The following DRC8 variants were observed in gnomAD, a reference collection of about 807,000 sequenced individuals.
DRC8 encodes dynein regulatory complex subunit 8.
chr1:245,016,042 C>T, the DRC8 span, among the ~76,000 whole-genome samples: 49 of 129,428 alleles, frequency 3.8e-4, no homozygotes, highest in Admixed American at 6.7e-4. Context: ...GGTGCAATGG[C>T]GCAATCTCGG....
chr1:245,054,758 A>G, the DRC8 span, among the ~76,000 whole-genome samples: 8 of 152,120 alleles, frequency 5.3e-5, no homozygotes, highest in African/African-American at 7.2e-5. Flanking sequence ...CTCCAGCCAG[A>G]TCCTTCTCCT....
the DRC8 span, among the ~76,000 whole-genome samples, chr1:245,079,828 G>T: frequency 6.6e-6 from 1 of 152,188 alleles, no homozygotes; most frequent in East Asian, 1.9e-4. Flanking sequence ...AACCTCGTAG[G>T]ATTGCCATTG....
chr1:245,059,757 C>T, the DRC8 span, among the ~76,000 whole-genome samples: 1 of 152,004 alleles, frequency 6.6e-6, no homozygotes, highest in Non-Finnish European at 1.5e-5. Flanking sequence ...AGGGGCTGAC[C>T]GTATGCAGAA....
At chr1:245,024,609 A>G in the DRC8 span, among the ~76,000 whole-genome samples, 1 of 146,858 alleles carries the variant, frequency 6.8e-6, no homozygotes, top group Non-Finnish European at 1.5e-5. Flanking sequence ...GTGCAGTGGC[A>G]CGATCTCAGC....
At chr1:245,096,766 C>T in the DRC8 span, among the ~76,000 whole-genome samples, 2 of 152,216 alleles carry the variant, frequency 1.3e-5, no homozygotes, top group African/African-American at 2.4e-5. Context: ...AATGAGATGG[C>T]TTGAGGCTAA....
At chr1:244,995,338 G>A in the DRC8 span, among the ~76,000 whole-genome samples, 2 of 151,470 alleles carry the variant, frequency 1.3e-5, no homozygotes, top group African/African-American at 4.9e-5. Flanking sequence ...TCCAGCCTGA[G>A]TGACAAGAGC....
chr1:245,072,598 G>A, the DRC8 span, among the ~76,000 whole-genome samples: 1 of 152,140 alleles, frequency 6.6e-6, no homozygotes, highest in Non-Finnish European at 1.5e-5. Context: ...AAGACTTGTT[G>A]TTATGCATTT....
chr1:244,976,307 C>T, the DRC8 span, among the ~76,000 whole-genome samples: 1 of 151,906 alleles, frequency 6.6e-6, no homozygotes, highest in African/African-American at 2.4e-5. Context: ...GTTAAGAAAA[C>T]TTTTAAGTCT....
chr1:245,101,044 C>T, the DRC8 span, among the ~76,000 whole-genome samples: 3 of 152,160 alleles, frequency 2.0e-5, no homozygotes, highest in South Asian at 4.2e-4. Context: ...ACCACCACGC[C>T]CGACTAACTT....
chr1:244,983,013 T>C, the DRC8 span, among the ~76,000 whole-genome samples: 1 of 151,978 alleles, frequency 6.6e-6, no homozygotes, highest in African/African-American at 2.4e-5. Context: ...GAGGTTGCAA[T>C]GAGCTGATAT....
the DRC8 span, among the ~76,000 whole-genome samples, chr1:245,039,486 A>AG: frequency 8.9e-6 from 1 of 111,954 alleles, no homozygotes; most frequent in Non-Finnish European, 2.0e-5. Context: ...AAAAAAAAAA[A>AG]AAAGAGTTTG....
the DRC8 span, among the ~76,000 whole-genome samples, chr1:245,018,698 G>C: frequency 3.9e-5 from 6 of 152,142 alleles, no homozygotes; most frequent in Non-Finnish European, 7.4e-5. Flanking sequence ...GGAAAGTATG[G>C]CATTATGAGA....
At chr1:244,989,387 C>T in the DRC8 span, among the ~76,000 whole-genome samples, 1 of 152,166 alleles carries the variant, frequency 6.6e-6, no homozygotes, top group Non-Finnish European at 1.5e-5. Flanking sequence ...GATCGTTTCT[C>T]AGGTTTTCCT....
At chr1:245,035,419 A>T in the DRC8 span, among the ~76,000 whole-genome samples, 1 of 152,194 alleles carries the variant, frequency 6.6e-6, no homozygotes, top group African/African-American at 2.4e-5. Flanking sequence ...AAACCCTTAC[A>T]CTTATGGTCA....
At chr1:245,114,613 A>G in the DRC8 span, among the ~76,000 whole-genome samples, 12 of 152,200 alleles carry the variant, frequency 7.9e-5, no homozygotes, top group Non-Finnish European at 1.2e-4. Flanking sequence ...TTCAAGAGGA[A>G]ATTCACCGAT....
At chr1:244,990,742 C>T in the DRC8 span, among the ~76,000 whole-genome samples, 1 of 152,034 alleles carries the variant, frequency 6.6e-6, no homozygotes, top group Non-Finnish European at 1.5e-5. Context: ...CTCAAGCAGT[C>T]TTCCCACCTC....
chr1:245,024,493 C>G, the DRC8 span, among the ~76,000 whole-genome samples: 1 of 151,222 alleles, frequency 6.6e-6, no homozygotes. Context: ...TTTTCCCAAT[C>G]TAATATGTGA....
At chr1:245,030,888 G>C in the DRC8 span, 1 of 152,206 alleles carries the variant, frequency 6.6e-6, no homozygotes, top group African/African-American at 2.4e-5. Flanking sequence ...TGCCTTTGTT[G>C]AGCAGAGCTC....
At chr1:245,020,712 C>T in the DRC8 span, among the ~76,000 whole-genome samples, 6 of 148,466 alleles carry the variant, frequency 4.0e-5, no homozygotes, top group East Asian at 2.0e-4. Context: ...CTCCGCCTTC[C>T]GGGTTCAAGC....
Sources: allele counts gnomAD v4.1 joint callset (sites outside exome capture counted in the v4.1 genomes callset), GRCh38; gene constraint gnomAD v4.1.1; transcripts MANE v1.5; gene names NCBI Gene and HGNC (gene_info 2026-07-23, HGNC 2026-07-21).